MBOAT2: variants seen among roughly 807,000 people sequenced by gnomAD.
MBOAT2 encodes the protein membrane bound glycerophospholipid O-acyltransferase 2.
Under a neutral mutation model 63.4 loss-of-function variants are expected in MBOAT2, and 28 were observed. That is an observed-to-expected ratio of 0.44 (90% CI 0.33 to 0.61). The LOEUF (loss-of-function observed/expected upper bound fraction) is 0.61, where lower values mean the gene tolerates loss of function less well. MBOAT2 is among the 20% of genes least tolerant of loss of function. The pLI is 0.03. For synonymous variants in MBOAT2, 211 were observed against 215.6 expected (o/e 0.98, Z 0.19); for missense variants, 470 against 605.8 (o/e 0.78, Z 2.35).
chr2:8,875,286 T>A (rs536616670), intron 7 of MBOAT2, among the ~76,000 whole-genome samples: 84 of 152,280 alleles, frequency 5.5e-4, no homozygotes, highest in African/African-American at 2.0e-3. Flanking sequence ...TAAAATATAT[T>A]ATTAAAATGG....
At position 8,981,614 on chromosome 2, in the gene MBOAT2, G is replaced by C. The variant is rs138018190; in HGVS notation, c.75+21926C>G. Among the ~76,000 whole-genome samples the C allele has an allele frequency of 5.3e-5, 8 of 152,140 alleles. No individual in the cohort carries two copies. In the East Asian group the frequency reaches 1.6e-3, roughly 30 times the overall value. ...AATGAGCTGCTTCTGTGACAGGAGT[G>C]AATGGGCCAACACTCAAAGAAAAGC... On this transcript the variant is annotated intron_variant, in intron 1 of 12. Transcript: ENST00000305997.
chr2:8,870,579 G>A (rs1381821967), intron 8 of MBOAT2, among the ~76,000 whole-genome samples: 1 of 152,096 alleles, frequency 6.6e-6, no homozygotes, highest in Admixed American at 6.5e-5. Flanking sequence ...AGGTGACAGG[G>A]GTGGAGATGA....
At chr2:8,936,817 GAAAAGAAAAAAAAA>G (rs1248814468) in intron 3 of MBOAT2, among the ~76,000 whole-genome samples, 3 of 140,200 alleles carry the variant, frequency 2.1e-5, no homozygotes, top group African/African-American at 8.0e-5. Flanking sequence ...AAAAGAAAAA[GAAAAGAAAAAAAAA>G]GAAAGAAAGA....
At chr2:8,902,402 G>C (rs370001147) in intron 4 of MBOAT2, among the ~76,000 whole-genome samples, 1 of 152,158 alleles carries the variant, frequency 6.6e-6, no homozygotes, top group Non-Finnish European at 1.5e-5. Flanking sequence ...ATGAAGCCGC[G>C]GACCCTTGCA....
chr2:8,959,705 T>C (rs1669481329), intron 1 of MBOAT2, among the ~76,000 whole-genome samples: 1 of 152,098 alleles, frequency 6.6e-6, no homozygotes, highest in African/African-American at 2.4e-5. Flanking sequence ...TCAAACAATC[T>C]GCCTGCCTCT....
intron 1 of MBOAT2, among the ~76,000 whole-genome samples, chr2:8,960,470 C>T (rs917618315): frequency 6.6e-6 from 1 of 152,120 alleles, no homozygotes; most frequent in African/African-American, 2.4e-5. Context: ...GAACATCCTT[C>T]AAGACACCAC....
intron 1 of MBOAT2, among the ~76,000 whole-genome samples, chr2:8,991,231 T>C (rs1671901253): frequency 2.6e-5 from 4 of 152,216 alleles, no homozygotes; most frequent in Admixed American, 2.6e-4. Flanking sequence ...CAGGGACTTA[T>C]CAAGACCTTT....
intron 3 of MBOAT2, among the ~76,000 whole-genome samples, chr2:8,933,033 C>T (rs1356062699): frequency 6.6e-6 from 1 of 152,192 alleles, no homozygotes; most frequent in Non-Finnish European, 1.5e-5. Flanking sequence ...TCTCACAAAA[C>T]TTCAACATGA....
At chr2:8,920,159 T>C (rs1319953775) in intron 3 of MBOAT2, among the ~76,000 whole-genome samples, 1 of 152,206 alleles carries the variant, frequency 6.6e-6, no homozygotes. Flanking sequence ...TGTTGTCTTC[T>C]GAAGTTTTAT....
At chr2:8,868,152 T>C (rs1455521092) in intron 9 of MBOAT2, among the ~76,000 whole-genome samples, 1 of 152,190 alleles carries the variant, frequency 6.6e-6, no homozygotes, top group Non-Finnish European at 1.5e-5. Context: ...CCTGGATTCC[T>C]ATTTCATGAA....
chr2:8,899,345 G>A (rs1484886282), intron 4 of MBOAT2, among the ~76,000 whole-genome samples: 1 of 152,210 alleles, frequency 6.6e-6, no homozygotes, highest in East Asian at 1.9e-4. Context: ...CTGAGGAGGT[G>A]GGAGAAATAC....
chr2:8,942,492 C>T (rs772764826), intron 3 of MBOAT2, among the ~76,000 whole-genome samples: 4 of 152,178 alleles, frequency 2.6e-5, no homozygotes, highest in Non-Finnish European at 5.9e-5. Context: ...GTCTTAGTTA[C>T]CAATCTCCTC....
chr2:8,913,743 C>A (rs900863273), intron 3 of MBOAT2, among the ~76,000 whole-genome samples: 2 of 152,164 alleles, frequency 1.3e-5, no homozygotes, highest in Non-Finnish European at 2.9e-5. Context: ...CTAGTACAGT[C>A]ACTATGGAAA....
intron 1 of MBOAT2, among the ~76,000 whole-genome samples, chr2:8,973,094 C>T (rs1670566376): frequency 6.6e-6 from 1 of 152,052 alleles, no homozygotes; most frequent in South Asian, 2.1e-4. Flanking sequence ...GCACTATTCA[C>T]AATAGCAAAG....
rs1177321908 is a variant in MBOAT2 at position 8,923,507 on chromosome 2, A to C, written c.300-14791T>G. The stretch of plus-strand genomic sequence containing the variant: ...GGCCCCTGCCAACCGGAGCACCCTT[A>C]ATTTGAATTCTCAGAGAGGCAGATT... On this transcript the variant is annotated intron_variant, in intron 3 of 12. Coordinates refer to ENST00000305997, the MANE Select transcript of MBOAT2 (RefSeq NM_138799.4). 2.0e-5 allele frequency among the ~76,000 whole-genome samples: 3 copies of C among 152,062 alleles called. No individual in the cohort carries two copies. In the East Asian group the frequency reaches 5.8e-4, roughly 29 times the overall value.
intron 4 of MBOAT2, among the ~76,000 whole-genome samples, chr2:8,897,037 G>C (rs894773629): frequency 4.6e-5 from 7 of 152,234 alleles, no homozygotes; most frequent in Admixed American, 2.0e-4. Flanking sequence ...CAGGGTTATA[G>C]AGAAGACCTT....
chr2:8,883,065 A>G (rs912523536), intron 5 of MBOAT2, among the ~76,000 whole-genome samples: 6 of 152,190 alleles, frequency 3.9e-5, no homozygotes, highest in Non-Finnish European at 7.4e-5. Flanking sequence ...AGGATATATT[A>G]TTTAAGATTA....
chr2:8,912,351 G>GAAAGAAAGAAAGAAAGAAAGAGAA (rs1553362293), intron 3 of MBOAT2, among the ~76,000 whole-genome samples: 1 of 69,936 alleles, frequency 1.4e-5, no homozygotes, highest in Non-Finnish European at 2.8e-5. Flanking sequence ...AAGAAAGAAA[G>GAAAGAAAGAAAGAAAGAAAGAGAA]AGAAAGAAAG....
At chr2:8,918,730 C>G (rs1438771281) in intron 3 of MBOAT2, among the ~76,000 whole-genome samples, 1 of 152,202 alleles carries the variant, frequency 6.6e-6, no homozygotes, top group Non-Finnish European at 1.5e-5. Flanking sequence ...GCCTAAAAGG[C>G]TTGCAAGCCT....
Sources: gnomAD v4.1 joint callset for allele counts (sites outside exome capture counted in the v4.1 genomes callset) on GRCh38, gnomAD v4.1.1 for gene constraint, MANE v1.5 for transcripts, NCBI Gene and HGNC (gene_info 2026-07-23, HGNC 2026-07-21) for gene names.